Variants in ADGRD1 observed in about 807,000 individuals in gnomAD.
ADGRD1 encodes the protein G-protein coupled receptor 133.
Under a neutral mutation model 113.4 loss-of-function variants are expected in ADGRD1, and 77 were observed. That is an observed-to-expected ratio of 0.68 (90% CI 0.57 to 0.82). ADGRD1 has a LOEUF of 0.82. Ranked by LOEUF, ADGRD1 falls within the 40% of genes least tolerant of loss-of-function variation. ADGRD1 has a pLI of 0.00. For synonymous variants in ADGRD1, 474 were observed against 475.0 expected, an observed-to-expected ratio of 1.00 and a Z score of 0.03; for missense variants, 1,036 against 1,139.1, an observed-to-expected ratio of 0.91 and a Z score of 1.30.
At chr12:131,136,223 A>G (rs1951082223) in intron 22 of ADGRD1, 60 bp downstream of exon 22, 1 of 1,594,392 alleles carries the variant, frequency 6.3e-7, no homozygotes, top group Non-Finnish European at 8.5e-7. Flanking sequence ...GCAGGCTTGC[A>G]GGGAGCTAGG....
In ADGRD1 at chr12:130,971,604, T is replaced by C; in HGVS notation, c.310+24T>C. The stretch of plus-strand genomic sequence containing the variant: ...AGGTGAGTGGCTGATCCCTGCGGCA[T>C]CTTTGTCAAGCATTTCATTCTCAGG... On this transcript the variant is annotated intron_variant, in intron 4 of 24. Coordinates refer to ENST00000261654, the MANE Select transcript of ADGRD1 (RefSeq NM_198827.5). The surrounding 1 kb of genome is among the most constrained non-coding windows in gnomAD (Gnocchi z 4.2). The C allele has an allele frequency of 1.3e-6, 2 of 1,583,364 alleles. No homozygotes were observed. Among genetic ancestry groups the C allele is most frequent in the Non-Finnish European group, 1.7e-6 (2 of 1,164,936 alleles).
chr12:131,138,704 C>T (rs1307100460), intron 24 of ADGRD1, among the ~76,000 whole-genome samples: 3 of 152,238 alleles, frequency 2.0e-5, no homozygotes, highest in African/African-American at 4.8e-5. Context: ...ACTCCGCCCC[C>T]GCCCGCAGCT....
chr12:131,082,283 A>G (rs978479787), intron 14 of ADGRD1, among the ~76,000 whole-genome samples: 1 of 152,182 alleles, frequency 6.6e-6, no homozygotes, highest in Non-Finnish European at 1.5e-5. Context: ...TTCCTGGGTC[A>G]TAGGGCCGTA....
At chr12:131,076,903 G>A (rs1885665437) in intron 14 of ADGRD1, 29 bp downstream of exon 14, 2 of 1,589,774 alleles carry the variant, frequency 1.3e-6, no homozygotes, top group African/African-American at 2.7e-5. Flanking sequence ...AGAGCAGGTG[G>A]GCATGAGGTG....
At position 131,055,374 on chromosome 12, in the gene ADGRD1, C is replaced by T. The variant is rs371704532; in HGVS notation, c.1474-21427C>T. On this transcript the variant is annotated intron_variant, in intron 13 of 24. Coordinates refer to ENST00000261654, the MANE Select transcript of ADGRD1 (RefSeq NM_198827.5). ...ACATCAAGTTCTGCCAGTTTTGTGT[C>T]TATTAAGCACACTGACTTCAGCGTT... 2.3e-4 allele frequency among the ~76,000 whole-genome samples: 35 copies of T among 152,310 alleles called. No homozygotes were observed. In the East Asian group the frequency reaches 4.8e-3, roughly 21 times the overall value.
intron 5 of ADGRD1, among the ~76,000 whole-genome samples, chr12:130,985,637 A>G (rs9706507): frequency 0.88 from 133,233 of 151,698 alleles, 60,945 homozygotes; most frequent in East Asian, 1. Flanking sequence ...TGCAACCTCC[A>G]CCTCCCGGGT....
chr12:131,136,214 C>T, intron 22 of ADGRD1, 51 bp downstream of exon 22: 1 of 1,603,260 alleles, frequency 6.2e-7, no homozygotes, highest in African/African-American at 1.3e-5. Context: ...CCATCAGGAG[C>T]AGGCTTGCAG....
chr12:131,138,069 C>G, intron 23 of ADGRD1, 68 bp from the exon 24 acceptor site: 3 of 1,319,770 alleles, frequency 2.3e-6, no homozygotes, highest in African/African-American at 1.4e-5. Context: ...TGCACCGGCA[C>G]AGACTCCTCT....
At chr12:131,138,099 T>A (rs1951142588) in intron 23 of ADGRD1, 38 bp from the exon 24 acceptor site, 1 of 1,555,262 alleles carries the variant, frequency 6.4e-7, no homozygotes, top group Non-Finnish European at 8.9e-7. Flanking sequence ...TGTTGCAGCC[T>A]CTGAAATTGC....
At chr12:131,056,885 G>A (rs1391279622) in intron 13 of ADGRD1, among the ~76,000 whole-genome samples, 2 of 152,168 alleles carry the variant, frequency 1.3e-5, no homozygotes, top group East Asian at 1.9e-4. Flanking sequence ...CTAGGACGAC[G>A]AAGGAAGCCA....
intron 19 of ADGRD1, among the ~76,000 whole-genome samples, chr12:131,119,888 T>C (rs922542828): frequency 6.6e-6 from 1 of 152,190 alleles, no homozygotes; most frequent in African/African-American, 2.4e-5. Flanking sequence ...TGCCATCTCC[T>C]GGTCCGGGAG....
In ADGRD1 at chr12:131,084,770, AT is replaced by A. The variant is rs1205820183; in HGVS notation, c.1671+109del. On this transcript the variant is annotated intron_variant, in intron 15 of 24. Coordinates refer to ENST00000261654, the MANE Select transcript of ADGRD1 (RefSeq NM_198827.5). The surrounding 1 kb of genome is among the most constrained non-coding windows in gnomAD (Gnocchi z 4.5). ...GCCAGTGCCCACGGGCCCTGGGCACATTACTCCATGGGGCCTGTGTTTACAG... is the reference window on the plus strand; with the variant it reads ...GCCAGTGCCCACGGGCCCTGGGCACATACTCCATGGGGCCTGTGTTTACAG... 1.7e-6 allele frequency: 2 copies of A among 1,181,882 alleles called. No individual in the cohort carries two copies. Among genetic ancestry groups the A allele is most frequent in the Non-Finnish European group, 2.4e-6 (2 of 821,474 alleles). The allele number at this position is 1,181,882 out of a possible 1,614,324, so 73.2% of individuals were successfully genotyped here.
At chr12:130,995,062 C>T (rs1289125263) in intron 8 of ADGRD1, among the ~76,000 whole-genome samples, 6 of 152,202 alleles carry the variant, frequency 3.9e-5, no homozygotes, top group Admixed American at 2.6e-4. Flanking sequence ...AGCAGTTAGC[C>T]GTGTCATTGT....
At chr12:131,077,300 C>T (rs879654022) in intron 14 of ADGRD1, among the ~76,000 whole-genome samples, 6 of 152,130 alleles carry the variant, frequency 3.9e-5, no homozygotes, top group Admixed American at 2.0e-4. Context: ...GAAACCTTGC[C>T]GGCTCCACTG....
At chr12:131,028,365 T>C (rs181065120) in intron 13 of ADGRD1, among the ~76,000 whole-genome samples, 1 of 152,354 alleles carries the variant, frequency 6.6e-6, no homozygotes, top group Admixed American at 6.5e-5. Context: ...TTGTTTGATA[T>C]ACGTATTGCA....
intron 12 of ADGRD1, among the ~76,000 whole-genome samples, chr12:131,011,695 C>T (rs934508945): frequency 1.3e-5 from 2 of 152,220 alleles, no homozygotes; most frequent in African/African-American, 4.8e-5. Context: ...CCCACAGCTG[C>T]GACTTTCTGT....
chr12:130,987,593 GGTATAT>G, intron 6 of ADGRD1: 1 of 560,830 alleles, frequency 1.8e-6, no homozygotes, highest in Non-Finnish European at 3.2e-6. Flanking sequence ...GGGGTTTCAA[GGTATAT>G]GTGATGGACG....
chr12:131,033,653 G>A lies in ADGRD1; in HGVS notation c.1473+19313G>A, dbSNP rs530695674. 7.2e-5 allele frequency among the ~76,000 whole-genome samples: 11 copies of A among 152,260 alleles called. No individual in the cohort carries two copies. In the East Asian group the frequency reaches 7.7e-4, roughly 11 times the overall value. ...GGTCCCGGTGGAGTGGACTGGAGCCGGCCCTGGAGGGGCAGGCCGTGGGCC... is the reference window on the plus strand; with the variant it reads ...GGTCCCGGTGGAGTGGACTGGAGCCAGCCCTGGAGGGGCAGGCCGTGGGCC... On this transcript the variant is annotated intron_variant, in intron 13 of 24. Transcript: ENST00000261654.
In ADGRD1 at chr12:131,003,298, G is replaced by A; in HGVS notation, c.1140G>A (p.Met380Ile). The change falls in exon 10 of 25, where the codon ATG (methionine) becomes ATA (isoleucine). Residue 380 changes from methionine (M) to isoleucine (I), a missense_variant. By Grantham distance (10) the Met-to-Ile change is conservative. Coordinates refer to ENST00000261654, the MANE Select transcript of ADGRD1 (RefSeq NM_198827.5). The surrounding 1 kb of genome is among the most constrained non-coding windows in gnomAD (Gnocchi z 4.8). ...TCACCGTGGAGGGCTCCTCTGCCAT[G>A]GCAGGTAGCTGTCGCTTGTAAGGGT... Reference protein sequence around the residue: ...PQVTVEGSSAMAEFSVAKILP... With the variant: ...PQVTVEGSSAIAEFSVAKILP... 1 of 1,610,384 alleles carries A rather than the reference G, an allele frequency of 6.2e-7. No individual in the cohort carries two copies. Among genetic ancestry groups the A allele is most frequent in the Non-Finnish European group, 8.5e-7 (1 of 1,176,902 alleles).
Sources: allele counts gnomAD v4.1 joint callset (sites outside exome capture counted in the v4.1 genomes callset), GRCh38; gene constraint gnomAD v4.1.1; non-coding constraint Gnocchi (gnomAD v3.1); transcripts MANE v1.5; gene names NCBI Gene and HGNC (gene_info 2026-07-23, HGNC 2026-07-21).